Variants in L2HGDH observed in about 807,000 individuals in gnomAD.
L2HGDH encodes L-2-hydroxyglutarate dehydrogenase, mitochondrial.
In L2HGDH, 34 loss-of-function variants were observed where a neutral mutation model predicts 51.5. The ratio of observed to expected loss-of-function variants is 0.66; its 90% confidence interval spans 0.50 to 0.88. L2HGDH has a LOEUF of 0.88. Among genes scored for constraint, L2HGDH ranks in the 40% least tolerant of loss-of-function variants. L2HGDH has a pLI of 0.00. For synonymous variants in L2HGDH, 198 were observed against 197.9 expected (o/e 1.00, Z -0.01); for missense variants, 558 against 571.9 (o/e 0.98, Z 0.25).
At chr14:50,311,511 C>T (rs980871128) in intron 1 of L2HGDH, 2 of 456,052 alleles carry the variant, frequency 4.4e-6, no homozygotes, top group Non-Finnish European at 8.8e-6. Context: ...ATTCTGCGGG[C>T]TTTCATTAGC....
intron 9 of L2HGDH, among the ~76,000 whole-genome samples, chr14:50,257,506 A>G (rs1888741934): frequency 6.6e-6 from 1 of 151,786 alleles, no homozygotes; most frequent in Non-Finnish European, 1.5e-5. Context: ...AGTAGCTGGG[A>G]CTACAGGTGT....
rs1445369068 is a variant in L2HGDH at position 50,299,352 on chromosome 14, A to G, written c.408+2665T>C. 2.0e-5 allele frequency among the ~76,000 whole-genome samples: 3 copies of G among 152,244 alleles called. No homozygotes were observed. In the East Asian group the frequency reaches 5.8e-4, roughly 29 times the overall value. On this transcript the variant is annotated intron_variant, in intron 3 of 9. Coordinates refer to ENST00000267436, the MANE Select transcript of L2HGDH (RefSeq NM_024884.3). ...AATAAAAAGTCTCCCAGTAAAGAAA[A>G]GCCCAGAACCTGATGGCTTCACTGC...
chr14:50,265,340 C>T lies in L2HGDH; in HGVS notation c.1196+18G>A, dbSNP rs1889277815. 1.2e-6 allele frequency: 2 copies of T among 1,605,130 alleles called. No homozygotes were observed. On this transcript the variant is annotated intron_variant, in intron 9 of 9. Transcript: ENST00000267436. Reference sequence around the variant, plus strand: ...ATAGGTCAGGACTGTATTTACACTCCTTATCCCTTTTCCTTACCTAAGTAT... The same window carrying T: ...ATAGGTCAGGACTGTATTTACACTCTTTATCCCTTTTCCTTACCTAAGTAT...
At chr14:50,266,760 G>A (rs1889358898) in intron 8 of L2HGDH, among the ~76,000 whole-genome samples, 1 of 152,094 alleles carries the variant, frequency 6.6e-6, no homozygotes, top group African/African-American at 2.4e-5. Flanking sequence ...CATAGAGGGT[G>A]AAACTCAAGT....
intron 7 of L2HGDH, 129 bp downstream of exon 7, chr14:50,269,034 G>A (rs866037677): frequency 3.7e-5 from 23 of 619,778 alleles, no homozygotes; most frequent in Middle Eastern, 4.6e-4. Flanking sequence ...AAGAGAAACC[G>A]ATGAAATGCT....
chr14:50,283,763 T>G lies in L2HGDH; in HGVS notation c.703+108A>C, dbSNP rs1013702559. 25 of 913,640 alleles carry G rather than the reference T, an allele frequency of 2.7e-5. No individual in the cohort carries two copies. The East Asian group carries it at 3.2e-4, about 12-fold the overall frequency. The allele number at this position is 913,640 out of a possible 1,614,324, so 56.6% of individuals were successfully genotyped here. ...ATTATTCTACTATTATTTTTTATTG[T>G]TTTTTTTCCCAAATATTTTTCATCC... On this transcript the variant is annotated intron_variant, in intron 5 of 9. Coordinates refer to ENST00000267436, the MANE Select transcript of L2HGDH (RefSeq NM_024884.3).
rs748499389 is a variant in L2HGDH at position 50,283,974 on chromosome 14, C to T, written c.600G>A (p.Leu200=). ...CTTCTTGGAAATCCTGGGCAAATGA[C>T]AAAGCCACCTGCCGATAGTCCACAA... is the stretch of plus-strand genomic sequence containing the variant. The part of the protein sequence containing the change: ...TGIVDYRQVA[L]SFAQDFQEAG... Residue 200 remains leucine, a synonymous_variant, in exon 5 of 10, where the codon TTG becomes TTA. Transcript: ENST00000267436. 9.9e-6 allele frequency: 16 copies of T among 1,613,962 alleles called. No homozygotes were observed. Among genetic ancestry groups the T allele is most frequent in the Middle Eastern group, 3.3e-4 (2 of 6,084 alleles).
At chr14:50,290,795 C>T (rs1178438233) in intron 4 of L2HGDH, among the ~76,000 whole-genome samples, 1 of 152,084 alleles carries the variant, frequency 6.6e-6, no homozygotes, top group Non-Finnish European at 1.5e-5. Context: ...TCCCAAGTGG[C>T]TGGGACTACA....
Position 50,269,400 on chromosome 14 carries a change from T to G in L2HGDH, c.739-70A>C. The G allele has an allele frequency of 2.1e-6, 3 of 1,441,580 alleles. No homozygotes were observed. In the South Asian group the frequency reaches 3.5e-5, roughly 17 times the overall value. 89.3% of individuals were successfully genotyped at this position (1,441,580 alleles called of 1,614,324 possible). On this transcript the variant is annotated intron_variant, in intron 6 of 9. Coordinates refer to ENST00000267436, the MANE Select transcript of L2HGDH (RefSeq NM_024884.3). The stretch of plus-strand genomic sequence containing the variant: ...AATAGGTCAAGAGGGGAAAAACAGG[T>G]GATAGAAAAGAAAAAAAGGTACAGA...
At position 50,247,135 on chromosome 14, in the gene L2HGDH, G is replaced by T. The variant is rs2139922378; in HGVS notation, c.1315C>A (p.Pro439Thr). 3 of 1,613,924 alleles carry T rather than the reference G, an allele frequency of 1.9e-6. No individual in the cohort carries two copies. Among genetic ancestry groups the T allele is most frequent in the Non-Finnish European group, 2.5e-6 (3 of 1,179,868 alleles). Residue 439 changes from proline to threonine, a missense_variant, in exon 10 of 10, where the codon CCT becomes ACT. This residue lies in a region of L2HGDH where 321 missense variants were observed against 311.8 expected (regional missense o/e 1.03). Coordinates refer to ENST00000267436, the MANE Select transcript of L2HGDH (RefSeq NM_024884.3). ...ATGGAAGAAGTAGCAGCAGGAGAAGGTGCATTTCTCACATGAAGAATGCGA... is the reference window on the plus strand; with the variant it reads ...ATGGAAGAAGTAGCAGCAGGAGAAGTTGCATTTCTCACATGAAGAATGCGA... Reference protein sequence around the residue: ...GNRILHVRNAPSPAATSSIAI... With the variant: ...GNRILHVRNATSPAATSSIAI...
intron 9 of L2HGDH, among the ~76,000 whole-genome samples, chr14:50,251,879 A>G (rs141806937): frequency 1.6e-4 from 24 of 152,276 alleles, no homozygotes; most frequent in Admixed American, 3.3e-4. Flanking sequence ...GAGTTCTTCA[A>G]TCTGAAAGAA....
At chr14:50,263,767 CT>C (rs974719929) in intron 9 of L2HGDH, among the ~76,000 whole-genome samples, 1 of 128,434 alleles carries the variant, frequency 7.8e-6, no homozygotes, top group African/African-American at 3.0e-5. Context: ...TCTAGAAAGC[CT>C]TTTATCTTTT....
rs1264625711 is a variant in L2HGDH, at chr14:50,283,053, TA to T, written c.703+817del. 2.0e-5 allele frequency among the ~76,000 whole-genome samples: 3 copies of T among 151,664 alleles called. No individual in the cohort carries two copies. The East Asian group carries it at 5.8e-4, about 29-fold the overall frequency. On this transcript the variant is annotated intron_variant, in intron 5 of 9. Coordinates refer to ENST00000267436, the MANE Select transcript of L2HGDH (RefSeq NM_024884.3). ...AAAAAAAAAAGAAAAATACAAAAAT[TA>T]GCTGGGTGTGGTGGCAAGCACCTAT...
At chr14:50,264,061 G>A (rs961821885) in intron 9 of L2HGDH, among the ~76,000 whole-genome samples, 10 of 151,124 alleles carry the variant, frequency 6.6e-5, no homozygotes, top group Admixed American at 3.3e-4. Context: ...GGTGTGAGCC[G>A]CCGTGCCAGT....
intron 3 of L2HGDH, among the ~76,000 whole-genome samples, chr14:50,300,723 G>C (rs1234172882): frequency 6.6e-6 from 1 of 152,136 alleles, no homozygotes; most frequent in Non-Finnish European, 1.5e-5. Flanking sequence ...ACTTCAGGAG[G>C]CCAAGGCAGG....
chr14:50,289,387 A>G (rs778135853), intron 4 of L2HGDH, among the ~76,000 whole-genome samples: 1 of 152,208 alleles, frequency 6.6e-6, no homozygotes, highest in Non-Finnish European at 1.5e-5. Context: ...ATTCTTAATT[A>G]TCTTAACAGG....
intron 3 of L2HGDH, among the ~76,000 whole-genome samples, chr14:50,298,777 C>T (rs771238250): frequency 6.6e-6 from 1 of 152,110 alleles, no homozygotes; most frequent in African/African-American, 2.4e-5. Flanking sequence ...ATTTAAAAAT[C>T]TGTTGAAACA....
At position 50,244,664 on chromosome 14, in the gene L2HGDH, G is replaced by A. The variant is rs370495702; in HGVS notation, c.*2394C>T. 6 of 985,284 alleles carry A rather than the reference G, an allele frequency of 6.1e-6. No individual in the cohort carries two copies. The highest frequency in any genetic ancestry group is 7.2e-6 in the Non-Finnish European group (6 of 829,922). 61.0% of individuals were successfully genotyped at this position (985,284 alleles called of 1,614,324 possible). On this transcript the variant is annotated 3_prime_UTR_variant, in exon 10 of 10. Coordinates refer to ENST00000267436, the MANE Select transcript of L2HGDH (RefSeq NM_024884.3). Reference sequence around the variant, plus strand: ...GGCCTACTCTGTTTACCTGGGATGTGCTACTTCTTAAACATGAGCTGATGA... The same window carrying A: ...GGCCTACTCTGTTTACCTGGGATGTACTACTTCTTAAACATGAGCTGATGA...
chr14:50,243,401 G>A lies in L2HGDH; in HGVS notation c.*3657C>T. The A allele has an allele frequency of 1.0e-6, 1 of 980,040 alleles. No homozygotes were observed. 60.7% of individuals were successfully genotyped at this position (980,040 alleles called of 1,614,324 possible). A position where few individuals can be genotyped will look rare whatever the true frequency, so the allele number is the denominator to read the frequency against. ...GGCTGCTATCTATCTAAAGCAAACA[G>A]TTTATGTTTTACACATAAAAAAATT... is the stretch of plus-strand genomic sequence containing the variant. On this transcript the variant is annotated 3_prime_UTR_variant, in exon 10 of 10. Coordinates refer to ENST00000267436, the MANE Select transcript of L2HGDH (RefSeq NM_024884.3).
Sources: allele counts gnomAD v4.1 joint callset (sites outside exome capture counted in the v4.1 genomes callset), GRCh38; gene constraint gnomAD v4.1.1; regional missense constraint gnomAD v4.1.1; transcripts MANE v1.5; gene names NCBI Gene and HGNC (gene_info 2026-07-23, HGNC 2026-07-21).